Variants in ARID4A observed in about 807,000 individuals in gnomAD.
ARID4A encodes the protein AT-rich interactive domain-containing protein 4A.
ARID4A carries 39 observed loss-of-function variants against 148.6 expected under a neutral mutation model. The observed-to-expected ratio is 0.26, with a 90% CI of 0.20 to 0.34. ARID4A has a LOEUF of 0.34. Among genes scored for constraint, ARID4A ranks in the 10% least tolerant of loss-of-function variants. The pLI, the probability that ARID4A is intolerant of heterozygous loss-of-function variation, is 1.00. For synonymous variants in ARID4A, 475 were observed against 481.2 expected (o/e 0.99, Z 0.17); for missense variants, 1,265 against 1,449.1 (o/e 0.87, Z 2.06).
intron 5 of ARID4A, among the ~76,000 whole-genome samples, chr14:58,314,506 T>A (rs2032274305): frequency 6.6e-6 from 1 of 152,158 alleles, no homozygotes; most frequent in Admixed American, 6.5e-5. Flanking sequence ...GCTCCCTGCA[T>A]CCCTGAACTC....
At chr14:58,301,756 C>G in intron 3 of ARID4A, 66 bp downstream of exon 3, 2 of 1,185,826 alleles carry the variant, frequency 1.7e-6, no homozygotes, top group Non-Finnish European at 2.4e-6. Context: ...GAGAGAGAGA[C>G]TGCAAATCAG....
In ARID4A at chr14:58,299,787, C is replaced by G; in HGVS notation, c.-57-11C>G. ...GATTATGTCTGTGCCTGTCTTTCCCCCTCCCCATAGTTCTAGCGACTGCGA... is the reference window on the plus strand; with the variant it reads ...GATTATGTCTGTGCCTGTCTTTCCCGCTCCCCATAGTTCTAGCGACTGCGA... On this transcript the variant is annotated splice_polypyrimidine_tract_variant and intron_variant, in intron 1 of 23. Transcript: ENST00000355431. 6.2e-7 allele frequency: 1 copy of G among 1,610,952 alleles called. No individual in the cohort carries two copies. The highest frequency in any genetic ancestry group is 8.5e-7 in the Non-Finnish European group (1 of 1,177,206).
intron 18 of ARID4A, among the ~76,000 whole-genome samples, 178 bp downstream of exon 18, chr14:58,359,394 C>G (rs1193844508): frequency 6.6e-6 from 1 of 152,108 alleles, no homozygotes; most frequent in African/African-American, 2.4e-5. Context: ...TTGTCAACAT[C>G]CCCCACCAGA....
At chr14:58,300,835 T>C (rs2140126475) in intron 2 of ARID4A, among the ~76,000 whole-genome samples, 1 of 151,692 alleles carries the variant, frequency 6.6e-6, no homozygotes, top group South Asian at 2.1e-4. Flanking sequence ...AAATGACAGA[T>C]TGAGATAGCA....
chr14:58,353,342 G>T (rs747632328), intron 16 of ARID4A: 3 of 198,240 alleles, frequency 1.5e-5, no homozygotes, highest in Non-Finnish European at 3.0e-5. Context: ...GAATTCTAAA[G>T]AATTTTTTCA....
At chr14:58,328,375 T>G in intron 9 of ARID4A, 59 bp downstream of exon 9, 1 of 1,126,112 alleles carries the variant, frequency 8.9e-7, no homozygotes, top group Non-Finnish European at 1.3e-6. Flanking sequence ...AGAATTACAA[T>G]GATAGACACC....
Position 58,349,657 on chromosome 14 carries a change from CA to C in ARID4A, c.1405-1414del, listed in dbSNP as rs560310394. On this transcript the variant is annotated intron_variant, in intron 15 of 23. Transcript: ENST00000355431. The stretch of plus-strand genomic sequence containing the variant: ...TGAACCCAGGAGGCAGAGGTTGCAG[CA>C]AGCTGAGATCGCACCACTGCACTCT... Among the ~76,000 whole-genome samples the C allele has an allele frequency of 2.0e-4, 31 of 151,976 alleles. No individual in the cohort carries two copies. In the South Asian group the frequency reaches 6.4e-3, roughly 32 times the overall value.
intron 16 of ARID4A, 182 bp downstream of exon 16, chr14:58,351,505 A>G (rs946685980): frequency 1.3e-6 from 1 of 752,660 alleles, no homozygotes; most frequent in Non-Finnish European, 2.1e-6. Context: ...TGGAGAATAT[A>G]CTGGTCGCAC....
intron 5 of ARID4A, among the ~76,000 whole-genome samples, chr14:58,317,098 C>A (rs183509048): frequency 0.014 from 2,023 of 144,534 alleles, 40 homozygotes; most frequent in African/African-American, 0.049. Context: ...GAGGCTGAGG[C>A]GGGAGAATGG....
chr14:58,308,584 G>C lies in ARID4A; in HGVS notation c.274+2472G>C, dbSNP rs530848636. ...CTGCTCTAAAGAACGTTTAGATATTGAAGGAAGTGGATCACATAAAGAATG... is the reference window on the plus strand; with the variant it reads ...CTGCTCTAAAGAACGTTTAGATATTCAAGGAAGTGGATCACATAAAGAATG... On this transcript the variant is annotated intron_variant, in intron 5 of 23. Transcript: ENST00000355431. Among the ~76,000 whole-genome samples the C allele has an allele frequency of 3.7e-4, 57 of 152,314 alleles. 1 individual carries two copies. The South Asian group carries it at 9.7e-3, about 26-fold the overall frequency.
rs752162313 is a variant in ARID4A at position 58,365,292 on chromosome 14, G to C, written c.3203G>C (p.Arg1068Thr). ...CSIIVQERES[R>T]EKGQKRPSDG... Reference sequence around the variant, plus strand: ...ATAATTGTACAAGAGAGAGAGAGCAGAGAGAAGGGTAAGGACTTTCTAGGG... The same window carrying C: ...ATAATTGTACAAGAGAGAGAGAGCACAGAGAAGGGTAAGGACTTTCTAGGG... The change falls in exon 20 of 24, where the codon AGA becomes ACA. Residue 1068 changes from arginine (R) to threonine (T), a missense_variant. Arg to Thr is a moderately conservative substitution (Grantham distance 71). Around this residue, in one of 9 missense-constraint regions of ARID4A, gnomAD observed 666 missense variants for 730.9 expected, o/e 0.91. Transcript: ENST00000355431. 85 of 1,609,430 alleles carry C rather than the reference G, an allele frequency of 5.3e-5. No homozygotes were observed. The highest frequency in any genetic ancestry group is 6.8e-5 in the Admixed American group (4 of 59,212).
intron 11 of ARID4A, 134 bp from the exon 12 acceptor site, chr14:58,344,561 A>G: frequency 1.6e-6 from 1 of 609,440 alleles, no homozygotes; most frequent in Non-Finnish European, 2.9e-6. Flanking sequence ...CTGTCATTGT[A>G]GGATATTGAG....
intron 11 of ARID4A, among the ~76,000 whole-genome samples, chr14:58,339,444 G>A (rs1021824246): frequency 4.6e-5 from 7 of 151,980 alleles, no homozygotes; most frequent in South Asian, 4.1e-4. Context: ...TATGTTATAC[G>A]CTAGGAAACT....
Position 58,371,917 on chromosome 14 carries a change from T to C in ARID4A, c.3702T>C (p.Ala1234=), listed in dbSNP as rs1306744601. ...VSHAGASMSS[A]SSDTGMSPSS... is the part of the protein sequence containing the mutation. Reference sequence around the variant, plus strand: ...ATGCGGGAGCCTCCATGTCATCTGCTTCATCAGACACTGGAATGAGTCCCT... The same window carrying C: ...ATGCGGGAGCCTCCATGTCATCTGCCTCATCAGACACTGGAATGAGTCCCT... The change falls in exon 24 of 24, where the codon GCT becomes GCC. Residue 1234 remains alanine (A), a synonymous_variant. Coordinates refer to ENST00000355431, the MANE Select transcript of ARID4A (RefSeq NM_002892.4). The C allele has an allele frequency of 6.2e-7, 1 of 1,613,282 alleles. No individual in the cohort carries two copies. The highest frequency in any genetic ancestry group is 1.3e-5 in the African/African-American group (1 of 74,928).
At chr14:58,326,135 T>C (rs552152232) in intron 8 of ARID4A, among the ~76,000 whole-genome samples, 1 of 152,196 alleles carries the variant, frequency 6.6e-6, no homozygotes, top group South Asian at 2.1e-4. Flanking sequence ...TAGGCAAAGC[T>C]TCACTAGAGG....
At position 58,373,400 on chromosome 14, in the gene ARID4A, G is replaced by A. The variant is rs764781042; in HGVS notation, c.*1411G>A. ...AAATTCATGTTTGTACATTGAAAGG[G>A]GTTTTTTTTTTAAACCTCCTTTTCT... On this transcript the variant is annotated 3_prime_UTR_variant, in exon 24 of 24. Transcript: ENST00000355431. The A allele has an allele frequency of 1.6e-5, 3 of 183,888 alleles. No homozygotes were observed. Among genetic ancestry groups the A allele is most frequent in the Non-Finnish European group, 2.3e-5 (2 of 86,690 alleles). The allele number at this position is 183,888 out of a possible 1,614,324, so 11.4% of individuals were successfully genotyped here. A position where few individuals can be genotyped will look rare whatever the true frequency, so the allele number is the denominator to read the frequency against.
At chr14:58,360,877 A>G (rs2035104413) in intron 18 of ARID4A, 24 bp from the exon 19 acceptor site, 3 of 1,610,920 alleles carry the variant, frequency 1.9e-6, no homozygotes, top group Non-Finnish European at 2.5e-6. Context: ...GGCCCTTCTC[A>G]TACATTTTGT....
chr14:58,326,149 C>CA (rs1201938390), intron 8 of ARID4A, among the ~76,000 whole-genome samples: 5 of 151,856 alleles, frequency 3.3e-5, no homozygotes, highest in African/African-American at 1.2e-4. Context: ...CTAGAGGAAA[C>CA]AAAAAAATAG....
rs58965986 is a variant in ARID4A, at chr14:58,340,337, GTTTTTGGTTTTTTGGT to G, written c.907-4344_907-4329del. Among the ~76,000 whole-genome samples the G allele has an allele frequency of 2.7e-5, 4 of 150,546 alleles. 1 individual carries two copies. On this transcript the variant is annotated intron_variant, in intron 11 of 23. Coordinates refer to ENST00000355431, the MANE Select transcript of ARID4A (RefSeq NM_002892.4). ...CACGCCAGCATGCCCAGCTAATTTT[GTTTTTGGTTTTTTGGT>G]TTTTTGGTTTTTTTGAGACAGAGTC...
Sources: gnomAD v4.1 joint callset for allele counts (sites outside exome capture counted in the v4.1 genomes callset) on GRCh38, gnomAD v4.1.1 for gene constraint, gnomAD v4.1.1 regional missense constraint, MANE v1.5 for transcripts, NCBI Gene and HGNC (gene_info 2026-07-23, HGNC 2026-07-21) for gene names.